SDR9C7: variants seen among roughly 807,000 people sequenced by gnomAD.
SDR9C7 encodes the protein short-chain dehydrogenase/reductase family 9C member 7.
SDR9C7 carries 11 observed loss-of-function variants against 23.6 expected under a neutral mutation model. That is an observed-to-expected ratio of 0.47 (90% CI 0.29 to 0.77). The LOEUF (loss-of-function observed/expected upper bound fraction) is 0.77, where lower values mean the gene tolerates loss of function less well. SDR9C7 is among the 30% of genes least tolerant of loss of function. The pLI, the probability that SDR9C7 is intolerant of heterozygous loss-of-function variation, is 0.09. For missense variants in SDR9C7, 387 were observed against 407.1 expected (o/e 0.95, Z 0.42); for synonymous variants, 167 against 157.3 (o/e 1.06, Z -0.46).
chr12:56,925,360 C>T (rs2136366534), intron 3 of SDR9C7, among the ~76,000 whole-genome samples: 1 of 152,272 alleles, frequency 6.6e-6, no homozygotes, highest in Admixed American at 6.5e-5. Context: ...ATTGAGAGCC[C>T]TGAGGACTCC....
At chr12:56,933,796 C>CA (rs1174627704) in intron 1 of SDR9C7, among the ~76,000 whole-genome samples, 165 bp downstream of exon 1, 1 of 152,012 alleles carries the variant, frequency 6.6e-6, no homozygotes, top group East Asian at 1.9e-4. Flanking sequence ...GTGAACAGGC[C>CA]AAACCATGCA....
rs1955714910 is a variant in SDR9C7 at position 56,923,867 on chromosome 12, C to T, written c.908G>A (p.Ser303Asn). 1 of 1,613,378 alleles carries T rather than the reference C, an allele frequency of 6.2e-7. No homozygotes were observed. The highest frequency in any genetic ancestry group is 1.7e-5 in the Admixed American group (1 of 59,962). ...LPTPVTDFILSRYLPRPADSV is the reference protein window; with the variant it reads ...LPTPVTDFILNRYLPRPADSV Reference sequence around the variant, plus strand: ...GTCCGCTGGCCTTGGAAGGTACCGGCTTAGGATGAAATCTGTCACAGGGGT... The same window carrying T: ...GTCCGCTGGCCTTGGAAGGTACCGGTTTAGGATGAAATCTGTCACAGGGGT... Residue 303 changes from serine to asparagine, a missense_variant, in exon 4 of 4, where the codon AGC becomes AAC. Ser to Asn is a conservative substitution (Grantham distance 46). Coordinates refer to ENST00000293502, the MANE Select transcript of SDR9C7 (RefSeq NM_148897.3).
At position 56,934,352 on chromosome 12, in the gene SDR9C7, A is replaced by C; in HGVS notation, c.-91T>G. ...CTCTGAGCCCTAGCAGGCAGTCTGC[A>C]GGAAACCACCTGGAAGAAGAACTCT... On this transcript the variant is annotated 5_prime_UTR_variant, in exon 1 of 4. Coordinates refer to ENST00000293502, the MANE Select transcript of SDR9C7 (RefSeq NM_148897.3). 1.8e-6 allele frequency: 2 copies of C among 1,119,258 alleles called. No individual in the cohort carries two copies. Among genetic ancestry groups the C allele is most frequent in the Non-Finnish European group, 2.6e-6 (2 of 780,124 alleles). The allele number at this position is 1,119,258 out of a possible 1,614,324, so 69.3% of individuals were successfully genotyped here.
Position 56,924,000 on chromosome 12 carries a change from C to A in SDR9C7, c.775G>T (p.Asp259Tyr). Residue 259 changes from aspartate to tyrosine, a missense_variant, in exon 4 of 4, where the codon GAT becomes TAT. Transcript: ENST00000293502. The part of the protein sequence containing the change: ...IMQVAEPRVR[D>Y]VINSMEHAIV... ...GCATGCTCCATGCTGTTGATGACATCTCTGACTCTGGGCTCTGCCACCTGC... is the reference window on the plus strand; with the variant it reads ...GCATGCTCCATGCTGTTGATGACATATCTGACTCTGGGCTCTGCCACCTGC... The A allele has an allele frequency of 6.2e-7, 1 of 1,614,120 alleles. No homozygotes were observed. The highest frequency in any genetic ancestry group is 8.5e-7 in the Non-Finnish European group (1 of 1,179,984).
At chr12:56,930,564 C>T in intron 1 of SDR9C7, 80 bp from the exon 2 acceptor site, 1 of 1,506,052 alleles carries the variant, frequency 6.6e-7, no homozygotes, top group Non-Finnish European at 9.0e-7. Flanking sequence ...GGCTCAGTGC[C>T]CTCAAGGATG....
In SDR9C7 at chr12:56,934,017, T is replaced by A; in HGVS notation, c.245A>T (p.Lys82Met). The A allele has an allele frequency of 6.2e-7, 1 of 1,614,054 alleles. No individual in the cohort carries two copies. The highest frequency in any genetic ancestry group is 8.5e-7 in the Non-Finnish European group (1 of 1,179,894). ...RLQTTLLDVTKSESIKAAAQW... is the reference protein window; with the variant it reads ...RLQTTLLDVTMSESIKAAAQW... ...GGCCGCCGCCTTGATGCTTTCGCTCTTGGTGACATCCAGTAGGGTGGTCTG... is the reference window on the plus strand; with the variant it reads ...GGCCGCCGCCTTGATGCTTTCGCTCATGGTGACATCCAGTAGGGTGGTCTG... Residue 82 changes from lysine (K) to methionine (M), a missense_variant, in exon 1 of 4, where the codon AAG (lysine) becomes ATG (methionine). Transcript: ENST00000293502.
In SDR9C7 at chr12:56,930,371, C is replaced by T. The variant is rs142269600; in HGVS notation, c.415G>A (p.Glu139Lys). The part of the protein sequence containing the change: ...VINVNLVGLI[E>K]VTLHMLPMVK... Reference sequence around the variant, plus strand: ...ATGGGCAGCATGTGAAGGGTCACTTCGATCAGTCCCACCAGGTTCACATTA... The same window carrying T: ...ATGGGCAGCATGTGAAGGGTCACTTTGATCAGTCCCACCAGGTTCACATTA... The change falls in exon 2 of 4, where the codon GAA becomes AAA. Residue 139 changes from glutamate to lysine, a missense_variant. Transcript: ENST00000293502. The T allele has an allele frequency of 8.6e-5, 139 of 1,614,070 alleles. No individual in the cohort carries two copies. Among genetic ancestry groups the T allele is most frequent in the Non-Finnish European group, 1.1e-4 (134 of 1,180,042 alleles).
rs1480242619 is a variant in SDR9C7 at position 56,934,212 on chromosome 12, C to A, written c.50G>T (p.Cys17Phe). The change falls in exon 1 of 4, where the codon TGC becomes TTC. Residue 17 changes from cysteine (C) to phenylalanine (F), a missense_variant. Cys to Phe is a radical substitution (Grantham distance 205, BLOSUM62 -2). Transcript: ENST00000293502. ...CTCTGAGAGGTTGCCAACCAGATTGCAGTTCTTGAACCAGCGATACATAAA... is the reference window on the plus strand; with the variant it reads ...CTCTGAGAGGTTGCCAACCAGATTGAAGTTCTTGAACCAGCGATACATAAA... ...LSFMYRWFKN[C>F]NLVGNLSEKY... The A allele has an allele frequency of 6.2e-7, 1 of 1,614,176 alleles. No homozygotes were observed. The highest frequency in any genetic ancestry group is 8.5e-7 in the Non-Finnish European group (1 of 1,180,024).
At position 56,929,423 on chromosome 12, in the gene SDR9C7, G is replaced by C; in HGVS notation, c.691C>G (p.Arg231Gly). 6.2e-7 allele frequency: 1 copy of C among 1,612,332 alleles called. No individual in the cohort carries two copies. The change falls in exon 3 of 4, where the codon CGG (arginine) becomes GGG (glycine). Residue 231 changes from arginine to glycine, a missense_variant. Physicochemically the swap from Arg to Gly is moderately radical, Grantham distance 125. Transcript: ENST00000293502. ...AAATAATCCTCTCCGTAGCTGTCCC[G>C]GGTCTCCTGAGGCAGCCTCTCCCAA... The part of the protein sequence containing the change: ...KLWERLPQET[R>G]DSYGEDYFRI...
rs1441560451 is a variant in SDR9C7, at chr12:56,923,334, G to T, written c.*499C>A. ...AAGAAAATATTTTAAACTTTTGTCTGATTTAATCTTGCACTCCCTATCTGC... is the reference window on the plus strand; with the variant it reads ...AAGAAAATATTTTAAACTTTTGTCTTATTTAATCTTGCACTCCCTATCTGC... On this transcript the variant is annotated 3_prime_UTR_variant, in exon 4 of 4. Transcript: ENST00000293502. 6.6e-6 allele frequency: 1 copy of T among 152,490 alleles called. No homozygotes were observed. The highest frequency in any genetic ancestry group is 2.4e-5 in the African/African-American group (1 of 41,468). The allele number at this position is 152,490 out of a possible 1,614,324, so 9.4% of individuals were successfully genotyped here.
chr12:56,934,050 T>C lies in SDR9C7; in HGVS notation c.212A>G (p.Tyr71Cys), dbSNP rs766726173. 1.1e-5 allele frequency: 18 copies of C among 1,614,112 alleles called. No homozygotes were observed. The East Asian group carries it at 3.1e-4, about 28-fold the overall frequency. Reference protein sequence around the residue: ...GSQKLQRDTSYRLQTTLLDVT... With the variant: ...GSQKLQRDTSCRLQTTLLDVT... ...ATCCAGTAGGGTGGTCTGCAGCCGATAGGAGGTATCCCGCTGAAGTTTCTG... is the reference window on the plus strand; with the variant it reads ...ATCCAGTAGGGTGGTCTGCAGCCGACAGGAGGTATCCCGCTGAAGTTTCTG... Residue 71 changes from tyrosine to cysteine, a missense_variant, in exon 1 of 4, where the codon TAT becomes TGT. Tyr to Cys is a radical substitution (Grantham distance 194, BLOSUM62 -2). Transcript: ENST00000293502.
In SDR9C7 at chr12:56,923,550, A is replaced by G; in HGVS notation, c.*283T>C. ...CTCCATGACTTTTCCAGGACCAGAAAAAGCTGTATCCTGATTGGGTGACAG... is the reference window on the plus strand; with the variant it reads ...CTCCATGACTTTTCCAGGACCAGAAGAAGCTGTATCCTGATTGGGTGACAG... On this transcript the variant is annotated 3_prime_UTR_variant, in exon 4 of 4. Transcript: ENST00000293502. 1 of 266,250 alleles carries G rather than the reference A, an allele frequency of 3.8e-6. No individual in the cohort carries two copies. Among genetic ancestry groups the G allele is most frequent in the Non-Finnish European group, 7.1e-6 (1 of 141,536 alleles). The allele number at this position is 266,250 out of a possible 1,614,324, so 16.5% of individuals were successfully genotyped here. A position where few individuals can be genotyped will look rare whatever the true frequency, so the allele number is the denominator to read the frequency against.
In SDR9C7 at chr12:56,929,544, G is replaced by C. The variant is rs137856441; in HGVS notation, c.570C>G (p.Leu190=). ...TGCAGACTTTCACCCCAAAGTAGTA[G>C]AGCTCACGCCTGGGAAAGAAGAGTT... ...EAFSDSIRRE[L]YYFGVKVCII... Residue 190 remains leucine (L), a synonymous_variant, in exon 3 of 4, where the codon CTC becomes CTG. Transcript: ENST00000293502. The C allele has an allele frequency of 1.2e-5, 20 of 1,602,938 alleles. No individual in the cohort carries two copies. The highest frequency in any genetic ancestry group is 3.3e-5 in the Admixed American group (2 of 59,830).
rs1314607391 is a variant in SDR9C7 at position 56,934,090 on chromosome 12, T to C, written c.172A>G (p.Thr58Ala). The change falls in exon 1 of 4, where the codon ACT (threonine) becomes GCT (alanine). Residue 58 changes from threonine to alanine, a missense_variant. By Grantham distance (58) the Thr-to-Ala change is moderately conservative. Coordinates refer to ENST00000293502, the MANE Select transcript of SDR9C7 (RefSeq NM_148897.3). ...RGMQVLAACF[T>A]EEGSQKLQRD... ...TGAAGTTTCTGGGATCCCTCCTCAG[T>C]GAAGCAAGCAGCCAGCACCTGCATG... is the stretch of plus-strand genomic sequence containing the variant. 3 of 1,614,062 alleles carry C rather than the reference T, an allele frequency of 1.9e-6. No homozygotes were observed. The highest frequency in any genetic ancestry group is 1.7e-6 in the Non-Finnish European group (2 of 1,180,044).
chr12:56,928,705 G>C (rs150345351), intron 3 of SDR9C7, among the ~76,000 whole-genome samples: 371 of 152,296 alleles, frequency 2.4e-3, no homozygotes, highest in African/African-American at 8.7e-3. Flanking sequence ...CTCTGTTGAC[G>C]TACGACATCC....
chr12:56,929,396 G>A lies in SDR9C7; in HGVS notation c.718C>T (p.Arg240Cys), dbSNP rs139870455. 3.1e-4 allele frequency: 494 copies of A among 1,597,288 alleles called. 1 individual carries two copies. The African/African-American group carries it at 3.8e-3, about 12-fold the overall frequency. Residue 240 changes from arginine to cysteine, a missense_variant, in exon 3 of 4, where the codon CGC becomes TGC. Transcript: ENST00000293502. ...TCCTGCCCCAGGAACTTACAGATGC[G>A]GAAATAATCCTCTCCGTAGCTGTCC... is the stretch of plus-strand genomic sequence containing the variant. ...TRDSYGEDYF[R>C]IYTDKLKNIM...
rs772843852 is a variant in SDR9C7 at position 56,923,794 on chromosome 12, C to G, written c.*39G>C. 13 of 1,455,954 alleles carry G rather than the reference C, an allele frequency of 8.9e-6. No individual in the cohort carries two copies. In the Admixed American group the frequency reaches 1.1e-4, roughly 12 times the overall value. The allele number at this position is 1,455,954 out of a possible 1,614,324, so 90.2% of individuals were successfully genotyped here. A position where few individuals can be genotyped will look rare whatever the true frequency, so the allele number is the denominator to read the frequency against. ...GACCCCACGGTCCTTCCTTCCTCCC[C>G]CACTTCTAGGCTCCACTGACCCATT... On this transcript the variant is annotated 3_prime_UTR_variant, in exon 4 of 4. Transcript: ENST00000293502.
chr12:56,929,500 T>C lies in SDR9C7; in HGVS notation c.614A>G (p.Tyr205Cys). The stretch of plus-strand genomic sequence containing the variant: ...CTCCTTGCCGAGAATGGCTGTCCGA[T>C]AGTTCCCTGGCTCAATGATGCAGAC... ...VKVCIIEPGN[Y>C]RTAILGKENL... Residue 205 changes from tyrosine to cysteine, a missense_variant, in exon 3 of 4, where the codon TAT becomes TGT. Coordinates refer to ENST00000293502, the MANE Select transcript of SDR9C7 (RefSeq NM_148897.3). 1 of 1,613,526 alleles carries C rather than the reference T, an allele frequency of 6.2e-7. No individual in the cohort carries two copies. The highest frequency in any genetic ancestry group is 8.5e-7 in the Non-Finnish European group (1 of 1,179,480).
Position 56,923,658 on chromosome 12 carries a change from G to A in SDR9C7, c.*175C>T, listed in dbSNP as rs1044947411. 2.5e-5 allele frequency: 14 copies of A among 553,572 alleles called. No homozygotes were observed. Among genetic ancestry groups the A allele is most frequent in the Middle Eastern group, 4.7e-4 (1 of 2,106 alleles). 34.3% of individuals were successfully genotyped at this position (553,572 alleles called of 1,614,324 possible). A position where few individuals can be genotyped will look rare whatever the true frequency, so the allele number is the denominator to read the frequency against. On this transcript the variant is annotated 3_prime_UTR_variant, in exon 4 of 4. Coordinates refer to ENST00000293502, the MANE Select transcript of SDR9C7 (RefSeq NM_148897.3). ...TGTGGGGTCCCAGAGGGTGGGAAGA[G>A]GCATTCACCTTCTGTTAGAAGTTAC... is the stretch of plus-strand genomic sequence containing the variant.
Sources: allele counts gnomAD v4.1 joint callset (sites outside exome capture counted in the v4.1 genomes callset), GRCh38; gene constraint gnomAD v4.1.1; transcripts MANE v1.5; gene names NCBI Gene and HGNC (gene_info 2026-07-23, HGNC 2026-07-21).